Variants in DNAH9 observed in about 807,000 individuals in gnomAD.
DNAH9 encodes the protein dynein axonemal heavy chain 9, also known as DNAH9 variant protein.
In DNAH9, 345 loss-of-function variants were observed where a neutral mutation model predicts 471.6. The observed-to-expected ratio is 0.73, with a 90% CI of 0.67 to 0.80. The LOEUF (loss-of-function observed/expected upper bound fraction) is 0.80. Among genes scored for constraint, DNAH9 ranks in the 30% least tolerant of loss-of-function variants. DNAH9 has a pLI of 0.00. For synonymous variants in DNAH9, 2,093 were observed against 2,123.6 expected, an observed-to-expected ratio of 0.99 and a Z score of 0.40; for missense variants, 5,407 against 5,609.2, an observed-to-expected ratio of 0.96 and a Z score of 1.15.
chr17:11,716,580 A>T (rs201267203), intron 26 of DNAH9, among the ~76,000 whole-genome samples: 1 of 152,236 alleles, frequency 6.6e-6, no homozygotes, highest in Non-Finnish European at 1.5e-5. Context: ...ATTTCCCCCA[A>T]AAGATAATCA....
chr17:11,944,117 G>A (rs1254567567), intron 67 of DNAH9, among the ~76,000 whole-genome samples: 1 of 152,196 alleles, frequency 6.6e-6, no homozygotes, highest in Non-Finnish European at 1.5e-5. Flanking sequence ...CAAAGATGCA[G>A]GGTGTGAGAG....
chr17:11,732,994 G>C (rs943413826), intron 28 of DNAH9, among the ~76,000 whole-genome samples: 2 of 152,224 alleles, frequency 1.3e-5, no homozygotes, highest in African/African-American at 2.4e-5. Context: ...AGCCGAGGGA[G>C]CTTCCCATGT....
chr17:11,885,424 G>A (rs1283724408), intron 56 of DNAH9, among the ~76,000 whole-genome samples: 2 of 152,186 alleles, frequency 1.3e-5, no homozygotes, highest in African/African-American at 2.4e-5. Flanking sequence ...ATTGGGCTAC[G>A]TCCTGATGGG....
chr17:11,877,608 G>A (rs187191164), intron 53 of DNAH9, among the ~76,000 whole-genome samples: 35 of 151,474 alleles, frequency 2.3e-4, no homozygotes, highest in Admixed American at 4.6e-4. Flanking sequence ...CTCTGGCCAC[G>A]TGTCCCAAGC....
chr17:11,834,868 A>G lies in DNAH9; in HGVS notation c.9477A>G (p.Ala3159=). Residue 3159 remains alanine, a synonymous_variant, in exon 49 of 69, where the codon GCA becomes GCG. Transcript: ENST00000262442. ...DLAKAEPALT[A]AQAALNTLNK... is the part of the protein sequence containing the mutation. ...CAAAGGCTGAGCCAGCACTCACAGC[A>G]GCGCAGGCAGCTCTCAACACCCTGA... The G allele has an allele frequency of 6.2e-7, 1 of 1,613,558 alleles. No individual in the cohort carries two copies. Among genetic ancestry groups the G allele is most frequent in the Non-Finnish European group, 8.5e-7 (1 of 1,179,892 alleles).
chr17:11,754,201 C>G (rs142012972), intron 33 of DNAH9, among the ~76,000 whole-genome samples: 2 of 151,564 alleles, frequency 1.3e-5, no homozygotes, highest in African/African-American at 2.4e-5. Flanking sequence ...TGTGTATGTA[C>G]CACATTTTCT....
intron 45 of DNAH9, among the ~76,000 whole-genome samples, chr17:11,817,402 T>C (rs965576830): frequency 6.6e-6 from 1 of 152,184 alleles, no homozygotes; most frequent in South Asian, 2.1e-4. Flanking sequence ...GTGGCCCAGG[T>C]GCTTTCAACG....
At position 11,811,989 on chromosome 17, in the gene DNAH9, CAAAAAAAAAAAAAAAAAAAAA is replaced by C. The variant is rs869105187; in HGVS notation, c.8707+1638_8707+1658del. On this transcript the variant is annotated intron_variant, in intron 45 of 68. Coordinates refer to ENST00000262442, the MANE Select transcript of DNAH9 (RefSeq NM_001372.4). Reference sequence around the variant, plus strand: ...TGGGTGACTGAGTGAGACTCTGTCTCAAAAAAAAAAAAAAAAAAAAAAAAAAAAAAAAAAAAAATATATATA... The same window carrying C: ...TGGGTGACTGAGTGAGACTCTGTCTCAAAAAAAAAAAAAAAAATATATATA... 5.3e-4 allele frequency among the ~76,000 whole-genome samples: 16 copies of C among 30,398 alleles called. 1 individual carries two copies. The highest frequency in any genetic ancestry group is 8.5e-4 in the African/African-American group (11 of 12,870). The allele number at this position is 30,398 out of a possible 152,430, so 19.9% of individuals were successfully genotyped here. A position where few individuals can be genotyped will look rare whatever the true frequency, so the allele number is the denominator to read the frequency against.
At chr17:11,903,160 G>A (rs1567888930) in intron 60 of DNAH9, among the ~76,000 whole-genome samples, 2 of 152,136 alleles carry the variant, frequency 1.3e-5, no homozygotes, top group Non-Finnish European at 2.9e-5. Context: ...CCAAGATGGT[G>A]AAACCCCGTC....
At chr17:11,816,514 T>C (rs1430890812) in intron 45 of DNAH9, among the ~76,000 whole-genome samples, 1 of 152,228 alleles carries the variant, frequency 6.6e-6, no homozygotes, top group Admixed American at 6.5e-5. Context: ...GACAGAGTAC[T>C]GAAATAGCCA....
At chr17:11,795,218 T>C (rs1597657459) in intron 42 of DNAH9, among the ~76,000 whole-genome samples, 1 of 152,122 alleles carries the variant, frequency 6.6e-6, no homozygotes, top group South Asian at 2.1e-4. Context: ...GAATGGCCCA[T>C]GGATTATGCC....
intron 49 of DNAH9, among the ~76,000 whole-genome samples, chr17:11,835,337 G>T (rs565948434): frequency 3.8e-4 from 58 of 152,260 alleles, no homozygotes; most frequent in African/African-American, 1.3e-3. Flanking sequence ...GCCCTTTAAG[G>T]TTTTTATGTT....
In DNAH9 at chr17:11,881,219, AT is replaced by A; in HGVS notation, c.10614del (p.Ile3538MetfsTer35). The A allele has an allele frequency of 6.2e-7, 1 of 1,614,224 alleles. No individual in the cohort carries two copies. The highest frequency in any genetic ancestry group is 1.1e-5 in the South Asian group (1 of 91,084). ...EVIKKGRFIK[I>X]GDKECEYNPK... Reference sequence around the variant, plus strand: ...GCCTTTATGTTCCAGATTCATTAAAATTGGAGACAAAGAATGTGAATACAAT... The same window carrying A: ...GCCTTTATGTTCCAGATTCATTAAAATGGAGACAAAGAATGTGAATACAAT... On this transcript the variant is annotated frameshift_variant, in exon 55 of 69. Coordinates refer to ENST00000262442, the MANE Select transcript of DNAH9 (RefSeq NM_001372.4). LOFTEE classifies it high-confidence loss of function.
intron 61 of DNAH9, among the ~76,000 whole-genome samples, chr17:11,922,134 T>A (rs1974157128): frequency 6.6e-6 from 1 of 152,228 alleles, no homozygotes; most frequent in African/African-American, 2.4e-5. Context: ...AATATCTATT[T>A]CTTACTACAA....
chr17:11,667,952 G>A (rs540002732), intron 15 of DNAH9, among the ~76,000 whole-genome samples: 1 of 152,180 alleles, frequency 6.6e-6, no homozygotes, highest in Non-Finnish European at 1.5e-5. Context: ...CAGTGAACAG[G>A]CTCTGCCACC....
Position 11,962,010 on chromosome 17 carries a change from G to A in DNAH9, c.12987G>A (p.Lys4329=). ...TTCCAGACCTCCTCAACAGAATCAA[G>A]GAGCTAGAGGCTTGGACGGGTGACT... ...AWFPDLLNRI[K]ELEAWTGDFT... Residue 4329 remains lysine (K), a synonymous_variant, in exon 68 of 69, where the codon AAG becomes AAA. Transcript: ENST00000262442. This position sits in a 1 kb window ranked among gnomAD's most constrained non-coding sequence, Gnocchi z 4.1. 1 of 1,614,176 alleles carries A rather than the reference G, an allele frequency of 6.2e-7. No homozygotes were observed. Among genetic ancestry groups the A allele is most frequent in the Non-Finnish European group, 8.5e-7 (1 of 1,180,026 alleles).
In DNAH9 at chr17:11,738,860, CTGAT is replaced by C. The variant is rs755657584; in HGVS notation, c.5815-13_5815-10del. On this transcript the variant is annotated splice_polypyrimidine_tract_variant and intron_variant, in intron 28 of 68. Transcript: ENST00000262442. ...TAAAAGGCAATTGAGGAATTTCTCG[CTGAT>C]TGATTGGTTCACCAGGTAAAAAGCA... The C allele has an allele frequency of 1.2e-6, 2 of 1,611,868 alleles. No homozygotes were observed. Among genetic ancestry groups the C allele is most frequent in the South Asian group, 1.1e-5 (1 of 90,896 alleles).
At chr17:11,815,025 A>G (rs1055223188) in intron 45 of DNAH9, among the ~76,000 whole-genome samples, 1 of 152,126 alleles carries the variant, frequency 6.6e-6, no homozygotes, top group African/African-American at 2.4e-5. Context: ...CCTCTAAGAC[A>G]TACTTAGTGG....
At chr17:11,761,176 ACTT>A (rs58052954) in intron 35 of DNAH9, among the ~76,000 whole-genome samples, 66,010 of 152,178 alleles carry the variant, frequency 0.43, 14,502 homozygotes, top group East Asian at 0.52. Context: ...GCATCTGATC[ACTT>A]CTAGTCACAC....
Sources: allele counts gnomAD v4.1 joint callset (sites outside exome capture counted in the v4.1 genomes callset), GRCh38; gene constraint gnomAD v4.1.1; non-coding constraint Gnocchi (gnomAD v3.1); transcripts MANE v1.5; gene names NCBI Gene and HGNC (gene_info 2026-07-23, HGNC 2026-07-21).